Variants in KATNIP observed in about 807,000 individuals in gnomAD.
KATNIP encodes katanin-interacting protein.
Under a neutral mutation model 174.0 loss-of-function variants are expected in KATNIP, and 126 were observed. The ratio of observed to expected loss-of-function variants is 0.72; its 90% CI spans 0.63 to 0.84. The LOEUF is 0.84. Among genes scored for constraint, KATNIP ranks in the 40% least tolerant of loss-of-function variants. The pLI, the probability that KATNIP is intolerant of heterozygous loss-of-function variation, is 0.00. For synonymous variants in KATNIP, 810 were observed against 835.7 expected, an observed-to-expected ratio of 0.97 and a Z score of 0.53; for missense variants, 1,958 against 2,109.7, an observed-to-expected ratio of 0.93 and a Z score of 1.41.
rs964256226 is a variant in KATNIP at position 27,634,921 on chromosome 16, G to A, written c.408+3759G>A. ...GAAGGAAACCTCAAATCTGTCTCCC[G>A]GAGGAGTTTGGGGCCAGTGTTTTTA... On this transcript the variant is annotated intron_variant, in intron 5 of 27. Coordinates refer to ENST00000261588, the MANE Select transcript of KATNIP (RefSeq NM_015202.5). 2.0e-5 allele frequency among the ~76,000 whole-genome samples: 3 copies of A among 152,142 alleles called. 1 individual carries two copies. Among genetic ancestry groups the A allele is most frequent in the Admixed American group, 1.3e-4 (2 of 15,272 alleles).
chr16:27,550,557 G>T (rs1284776882), intron 1 of KATNIP, among the ~76,000 whole-genome samples: 1 of 152,176 alleles, frequency 6.6e-6, no homozygotes, highest in Admixed American at 6.5e-5. Flanking sequence ...ATCGTCAGGT[G>T]CTGGGAAAGG....
chr16:27,666,714 G>A (rs893558178), intron 6 of KATNIP, among the ~76,000 whole-genome samples: 1 of 152,046 alleles, frequency 6.6e-6, no homozygotes, highest in African/African-American at 2.4e-5. Context: ...CCAGCCGGTC[G>A]GGAATGCGAT....
chr16:27,745,458 C>T (rs1031040189), intron 15 of KATNIP, among the ~76,000 whole-genome samples: 5 of 152,260 alleles, frequency 3.3e-5, no homozygotes, highest in Non-Finnish European at 2.9e-5. Flanking sequence ...CTATGCCCAG[C>T]TCTTGTTCCT....
chr16:27,559,689 A>C (rs2089777198), intron 1 of KATNIP, among the ~76,000 whole-genome samples: 1 of 151,508 alleles, frequency 6.6e-6, no homozygotes, highest in Non-Finnish European at 1.5e-5. Flanking sequence ...TCAAAAAAAA[A>C]AAAAAAATAG....
chr16:27,739,065 G>A (rs1181917555), intron 14 of KATNIP, among the ~76,000 whole-genome samples: 1 of 152,176 alleles, frequency 6.6e-6, no homozygotes, highest in Non-Finnish European at 1.5e-5. Flanking sequence ...GGATTTGGAG[G>A]AGACAACGCA....
At chr16:27,774,828 G>T in intron 23 of KATNIP, 117 bp from the exon 24 acceptor site, 3 of 1,219,176 alleles carry the variant, frequency 2.5e-6, no homozygotes, top group South Asian at 1.4e-5. Flanking sequence ...TGCTGCGGCT[G>T]CCCAAAGCAT....
rs142822400 is a variant in KATNIP at position 27,720,316 on chromosome 16, C to T, written c.1606-1242C>T. ...GTGTTGGCCAGGCTGGTCTCGAGCT[C>T]CTGACCTCAGGTGATCCACCTGCCT... On this transcript the variant is annotated intron_variant, in intron 13 of 27. Transcript: ENST00000261588. 1.4e-3 allele frequency among the ~76,000 whole-genome samples: 217 copies of T among 152,108 alleles called. 9 individuals are homozygous for T. The East Asian group carries it at 0.04, about 28-fold the overall frequency.
intron 18 of KATNIP, among the ~76,000 whole-genome samples, chr16:27,758,787 A>G (rs1056879850): frequency 6.6e-6 from 1 of 152,096 alleles, no homozygotes; most frequent in Non-Finnish European, 1.5e-5. Flanking sequence ...ACCTCTGCTC[A>G]TATTCAGTCA....
chr16:27,645,999 G>T (rs1163909033), intron 5 of KATNIP, among the ~76,000 whole-genome samples: 1 of 152,212 alleles, frequency 6.6e-6, no homozygotes, highest in East Asian at 1.9e-4. Flanking sequence ...TGTCTCCAAA[G>T]CTAGGTAGGG....
At chr16:27,606,982 A>G (rs1567486919) in intron 2 of KATNIP, among the ~76,000 whole-genome samples, 2 of 152,104 alleles carry the variant, frequency 1.3e-5, no homozygotes, top group Non-Finnish European at 2.9e-5. Context: ...TCCCTTCCCT[A>G]GTAGCCCTGG....
At chr16:27,774,322 C>T (rs1319405273) in intron 23 of KATNIP, among the ~76,000 whole-genome samples, 1 of 152,194 alleles carries the variant, frequency 6.6e-6, no homozygotes, top group African/African-American at 2.4e-5. Context: ...TACCAAAGTG[C>T]TCACATCTGG....
At position 27,608,023 on chromosome 16, in the gene KATNIP, C is replaced by T. The variant is rs143371531; in HGVS notation, c.64-10402C>T. ...GCCCTAGAAACCAGCACTGCACTCT[C>T]AGCTGCTCCTGAATGCAGCTCAGGC... On this transcript the variant is annotated intron_variant, in intron 2 of 27. Transcript: ENST00000261588. Among the ~76,000 whole-genome samples, 860 of 152,322 alleles carry T rather than the reference C, an allele frequency of 5.6e-3. 3 individuals carry two copies. Among genetic ancestry groups the T allele is most frequent in the Middle Eastern group, 0.01 (3 of 294 alleles).
chr16:27,666,567 A>G (rs1468647589), intron 6 of KATNIP, among the ~76,000 whole-genome samples: 6 of 151,928 alleles, frequency 3.9e-5, no homozygotes, highest in Non-Finnish European at 2.9e-5. Context: ...ACAGGTGTCC[A>G]CCACCACACC....
chr16:27,687,791 C>G (rs1413286877), intron 8 of KATNIP, among the ~76,000 whole-genome samples: 4 of 152,142 alleles, frequency 2.6e-5, no homozygotes, highest in South Asian at 2.1e-4. Flanking sequence ...AAAGCAACAC[C>G]CCTCAGTGTG....
At chr16:27,562,241 A>C (rs1037761752) in intron 1 of KATNIP, among the ~76,000 whole-genome samples, 1 of 152,166 alleles carries the variant, frequency 6.6e-6, no homozygotes, top group Admixed American at 6.5e-5. Flanking sequence ...CAGAAGGTTG[A>C]AGTTATTATG....
At position 27,677,912 on chromosome 16, in the gene KATNIP, G is replaced by A. The variant is rs1212273874; in HGVS notation, c.724G>A (p.Val242Ile). 1.9e-6 allele frequency: 3 copies of A among 1,614,200 alleles called. No homozygotes were observed. The highest frequency in any genetic ancestry group is 1.1e-5 in the South Asian group (1 of 91,086). The change falls in exon 7 of 28, where the codon GTT becomes ATT. Residue 242 changes from valine (V) to isoleucine (I), a missense_variant. Transcript: ENST00000261588. ...PSSGDWTQKD[V>I]HGEQETEGRS... ...CAGTGGCGACTGGACTCAGAAAGAT[G>A]TTCACGGGGAACAGGAGACAGAAGG...
intron 6 of KATNIP, among the ~76,000 whole-genome samples, chr16:27,661,989 CATACATATATATATATATATATATAT>C (rs1567269520): frequency 0.012 from 301 of 25,682 alleles, 99 homozygotes; most frequent in African/African-American, 0.072. Context: ...TATATATACA[CATACATATATATATATATATATATAT>C]ACACATACAT....
intron 8 of KATNIP, among the ~76,000 whole-genome samples, chr16:27,686,041 G>T (rs958871222): frequency 1.3e-5 from 2 of 152,186 alleles, no homozygotes; most frequent in Non-Finnish European, 1.5e-5. Flanking sequence ...CTGAGCCCCA[G>T]AAGAAGCAGC....
chr16:27,578,257 C>T (rs1398181865), intron 2 of KATNIP, among the ~76,000 whole-genome samples: 2 of 152,118 alleles, frequency 1.3e-5, no homozygotes, highest in African/African-American at 4.8e-5. Context: ...CTCTTGAACC[C>T]AGGAGGTAGA....
Sources: gnomAD v4.1 joint callset for allele counts (sites outside exome capture counted in the v4.1 genomes callset) on GRCh38, gnomAD v4.1.1 for gene constraint, MANE v1.5 for transcripts, NCBI Gene and HGNC (gene_info 2026-07-23, HGNC 2026-07-21) for gene names.